The following MYRIP variants were observed in gnomAD, a reference collection of about 807,000 sequenced individuals.
MYRIP encodes myosin VIIA and Rab interacting protein.
Under a neutral mutation model 98.0 loss-of-function variants are expected in MYRIP, and 49 were observed. That is an observed-to-expected ratio of 0.50 (90% confidence interval 0.40 to 0.63). The LOEUF (loss-of-function observed/expected upper bound fraction) is 0.63, where lower values mean the gene tolerates loss of function less well. Ranked by LOEUF, MYRIP falls within the 30% of genes least tolerant of loss-of-function variation. The pLI is 0.00. For missense variants in MYRIP, 1,004 were observed against 1,058.2 expected (o/e 0.95, Z 0.71); for synonymous variants, 404 against 409.5 (o/e 0.99, Z 0.16).
At chr3:39,968,334 G>T (rs979197962) in intron 2 of MYRIP, among the ~76,000 whole-genome samples, 1 of 151,772 alleles carries the variant, frequency 6.6e-6, no homozygotes, top group African/African-American at 2.4e-5. Flanking sequence ...CACCATACCA[G>T]ACTAATTTTT....
intron 2 of MYRIP, among the ~76,000 whole-genome samples, chr3:39,917,170 C>A (rs1032258613): frequency 1.2e-4 from 18 of 151,972 alleles, no homozygotes; most frequent in South Asian, 8.3e-4. Context: ...ATAGAGTCAA[C>A]ATACATATGA....
intron 2 of MYRIP, among the ~76,000 whole-genome samples, chr3:39,941,381 C>T (rs764250513): frequency 6.6e-6 from 1 of 151,998 alleles, no homozygotes; most frequent in Non-Finnish European, 1.5e-5. Context: ...ACCCTAACAC[C>T]TCCTACTGGG....
intron 3 of MYRIP, among the ~76,000 whole-genome samples, chr3:40,065,508 A>T (rs1401818131): frequency 6.6e-6 from 1 of 152,130 alleles, no homozygotes; most frequent in East Asian, 1.9e-4. Flanking sequence ...TGTTGATATC[A>T]GTCTTGCAGC....
intron 2 of MYRIP, among the ~76,000 whole-genome samples, chr3:39,988,367 T>C (rs1302005005): frequency 1.3e-5 from 2 of 152,100 alleles, no homozygotes; most frequent in East Asian, 3.9e-4. Flanking sequence ...GCTTGTGGTG[T>C]TTCTGTTGAG....
At chr3:40,218,618 A>ATATATATATATATATT (rs1399524800) in intron 11 of MYRIP, among the ~76,000 whole-genome samples, 2 of 8,868 alleles carry the variant, frequency 2.3e-4, no homozygotes, top group South Asian at 7.6e-3. Flanking sequence ...TATTTTATAT[A>ATATATATATATATATT]TATATATATA....
intron 1 of MYRIP, among the ~76,000 whole-genome samples, chr3:39,838,558 C>G (rs1941696260): frequency 2.6e-5 from 4 of 152,118 alleles, no homozygotes; most frequent in African/African-American, 4.8e-5. Context: ...AGGGATGAAG[C>G]TGACTTGATC....
At chr3:40,103,067 CTCTTGCCATCT>C (rs1332006746) in intron 3 of MYRIP, among the ~76,000 whole-genome samples, 1 of 151,954 alleles carries the variant, frequency 6.6e-6, no homozygotes, top group Non-Finnish European at 1.5e-5. Flanking sequence ...TATATCACCA[CTCTTGCCATCT>C]TCTTGCCCTA....
chr3:39,884,349 T>C (rs1284676337), intron 1 of MYRIP, among the ~76,000 whole-genome samples: 2 of 152,122 alleles, frequency 1.3e-5, no homozygotes, highest in African/African-American at 2.4e-5. Flanking sequence ...TGATGGTTAA[T>C]GTTTTGTGTT....
intron 2 of MYRIP, among the ~76,000 whole-genome samples, chr3:39,921,903 A>AAAAAAAAT (rs1944312200): frequency 6.7e-6 from 1 of 150,250 alleles, no homozygotes; most frequent in African/African-American, 2.4e-5. Flanking sequence ...AAAAAAAAAA[A>AAAAAAAAT]GTGTTGACGG....
At chr3:39,867,166 G>GA (rs1334484858) in intron 1 of MYRIP, among the ~76,000 whole-genome samples, 1 of 152,112 alleles carries the variant, frequency 6.6e-6, no homozygotes, top group African/African-American at 2.4e-5. Context: ...ACACTACTTG[G>GA]AAAAATTAAC....
intron 1 of MYRIP, among the ~76,000 whole-genome samples, chr3:39,888,346 A>G (rs1943371985): frequency 6.6e-6 from 1 of 151,920 alleles, no homozygotes; most frequent in African/African-American, 2.4e-5. Flanking sequence ...GATCAATGGA[A>G]CAGAACAGAG....
intron 1 of MYRIP, among the ~76,000 whole-genome samples, chr3:39,825,304 A>T (rs967015392): frequency 6.6e-6 from 1 of 152,170 alleles, no homozygotes; most frequent in African/African-American, 2.4e-5. Flanking sequence ...GCTTTTTCCC[A>T]TTCAGTATGA....
intron 2 of MYRIP, among the ~76,000 whole-genome samples, chr3:40,002,711 A>G (rs1946546323): frequency 6.6e-6 from 1 of 152,168 alleles, no homozygotes; most frequent in East Asian, 1.9e-4. Context: ...GACCAAAGCC[A>G]GTAATCACAC....
At chr3:40,076,807 C>T (rs144292421) in intron 3 of MYRIP, among the ~76,000 whole-genome samples, 5 of 152,272 alleles carry the variant, frequency 3.3e-5, no homozygotes, top group African/African-American at 7.2e-5. Flanking sequence ...ACATAAACCA[C>T]GTGAAAGTAT....
chr3:40,114,478 A>T (rs1206174280), intron 3 of MYRIP, among the ~76,000 whole-genome samples: 4 of 152,232 alleles, frequency 2.6e-5, no homozygotes, highest in African/African-American at 9.6e-5. Context: ...AGCTAACATC[A>T]AAAGACAAAT....
At chr3:39,912,633 A>G (rs557259806) in intron 2 of MYRIP, among the ~76,000 whole-genome samples, 7 of 152,356 alleles carry the variant, frequency 4.6e-5, no homozygotes, top group Admixed American at 2.0e-4. Flanking sequence ...TCCTATAAGA[A>G]AACCAAATGG....
At chr3:39,973,402 C>G (rs1051821003) in intron 2 of MYRIP, among the ~76,000 whole-genome samples, 3 of 152,112 alleles carry the variant, frequency 2.0e-5, no homozygotes, top group Non-Finnish European at 2.9e-5. Context: ...ATTCATAAAG[C>G]AAGTCCTTAG....
chr3:40,069,964 G>T (rs534171899), intron 3 of MYRIP, among the ~76,000 whole-genome samples: 1 of 152,154 alleles, frequency 6.6e-6, no homozygotes, highest in Non-Finnish European at 1.5e-5. Flanking sequence ...AAAGTGGTTC[G>T]CAGTATCTTT....
chr3:39,817,374 C>G (rs796647030), intron 1 of MYRIP, among the ~76,000 whole-genome samples: 1 of 152,112 alleles, frequency 6.6e-6, no homozygotes, highest in Non-Finnish European at 1.5e-5. Context: ...TCAGAAACGT[C>G]AAATGCTCAT....
Sources: gnomAD v4.1 joint callset for allele counts (sites outside exome capture counted in the v4.1 genomes callset) on GRCh38, gnomAD v4.1.1 for gene constraint, MANE v1.5 for transcripts, NCBI Gene and HGNC (gene_info 2026-07-23, HGNC 2026-07-21) for gene names.